The following PDGFRB variants were observed in gnomAD, a reference collection of about 807,000 sequenced individuals.
The protein encoded by PDGFRB is platelet derived growth factor receptor beta, also known as platelet-derived growth factor receptor beta.
PDGFRB carries 42 observed loss-of-function variants against 120.2 expected under a neutral mutation model. That is an observed-to-expected ratio of 0.35 (90% confidence interval 0.27 to 0.45). The LOEUF is 0.45. Ranked by LOEUF, PDGFRB falls within the 20% of genes least tolerant of loss-of-function variation. The pLI is 1.00. For synonymous variants in PDGFRB, 586 were observed against 606.8 expected, an observed-to-expected ratio of 0.97 and a Z score of 0.50; for missense variants, 1,149 against 1,476.3, an observed-to-expected ratio of 0.78 and a Z score of 3.63.
chr5:150,118,463 G>T (rs921549791), intron 21 of PDGFRB, among the ~76,000 whole-genome samples: 4 of 152,174 alleles, frequency 2.6e-5, no homozygotes, highest in African/African-American at 9.7e-5. Context: ...TCGGTATGGA[G>T]GTAAAGGCCT....
chr5:150,127,833 T>TAAAA (rs56899708), intron 10 of PDGFRB, among the ~76,000 whole-genome samples: 3,457 of 62,376 alleles, frequency 0.055, 366 homozygotes, highest in Non-Finnish European at 0.068. Flanking sequence ...GACTCCATCT[T>TAAAA]AAAAAAAAAA....
intron 1 of PDGFRB, among the ~76,000 whole-genome samples, chr5:150,140,671 A>T (rs1760759784): frequency 6.6e-6 from 1 of 151,080 alleles, no homozygotes; most frequent in Non-Finnish European, 1.5e-5. Flanking sequence ...AGGGGAGCGG[A>T]GTAAGGACCC....
chr5:150,132,161 A>G lies in PDGFRB; in HGVS notation c.1128-67T>C, dbSNP rs923322906. 1.2e-5 allele frequency: 10 copies of G among 856,260 alleles called. No homozygotes were observed. Among genetic ancestry groups the G allele is most frequent in the African/African-American group, 1.7e-5 (1 of 60,488 alleles). The allele number at this position is 856,260 out of a possible 1,614,324, so 53.0% of individuals were successfully genotyped here. Reference sequence around the variant, plus strand: ...TTACAGTTCTCCCCACCCTCCTGGTATAAAGAGGAACAAGGCCCAGGGAGG... The same window carrying G: ...TTACAGTTCTCCCCACCCTCCTGGTGTAAAGAGGAACAAGGCCCAGGGAGG... On this transcript the variant is annotated intron_variant, in intron 7 of 22. Transcript: ENST00000261799. The surrounding 1 kb of genome is among the most constrained non-coding windows in gnomAD (Gnocchi z 5.0).
rs774004724 is a variant in PDGFRB, at chr5:150,123,110, G to A, written c.2115C>T (p.Ser705=). The A allele has an allele frequency of 9.3e-6, 15 of 1,613,880 alleles. No homozygotes were observed. The highest frequency in any genetic ancestry group is 5.5e-5 in the South Asian group (5 of 91,088). ...CCGCGCTGGGCGGGCGGCGCTTGTC[G>A]GAGTGGTGCTGCAGGAAGGTGTGTT... ...RNKHTFLQHH[S]DKRRPPSAEL... Residue 705 remains serine, a synonymous_variant, in exon 15 of 23, where the codon TCC becomes TCT. Transcript: ENST00000261799.
At chr5:150,151,287 T>A (rs537771369) in intron 1 of PDGFRB, among the ~76,000 whole-genome samples, 1 of 152,328 alleles carries the variant, frequency 6.6e-6, no homozygotes, top group East Asian at 1.9e-4. Context: ...ACCTCCTCGT[T>A]TGACTGATGG....
chr5:150,127,982 T>A (rs1760347186), intron 10 of PDGFRB, among the ~76,000 whole-genome samples: 1 of 151,954 alleles, frequency 6.6e-6, no homozygotes, highest in African/African-American at 2.4e-5. Flanking sequence ...TCACCCCTTA[T>A]CCATTCTCCC....
At position 150,121,974 on chromosome 5, in the gene PDGFRB, G is replaced by C. The variant is rs2113891249; in HGVS notation, c.2250C>G (p.Asp750Glu). 6.2e-7 allele frequency: 1 copy of C among 1,613,412 alleles called. No homozygotes were observed. ...CTTTCATGTCCAGCATGGGCACATA[G>C]TCCACCGACTCGTCCTTGCTCATGT... ...YMDMSKDESV[D>E]YVPMLDMKGD... Residue 750 changes from aspartate (D) to glutamate (E), a missense_variant, in exon 16 of 23, where the codon GAC becomes GAG. Physicochemically the swap from Asp to Glu is conservative, Grantham distance 45. Around this residue, in one of 3 missense-constraint regions of PDGFRB, gnomAD observed 879 missense variants for 1,108.6 expected, o/e 0.79. Transcript: ENST00000261799. This position sits in a 1 kb window ranked among gnomAD's most constrained non-coding sequence, Gnocchi z 4.1.
rs143665169 is a variant in PDGFRB at position 150,136,338 on chromosome 5, G to C, written c.41-460C>G. Among the ~76,000 whole-genome samples, 542 of 152,306 alleles carry C rather than the reference G, an allele frequency of 3.6e-3. 5 individuals are homozygous for C. Among genetic ancestry groups the C allele is most frequent in the African/African-American group, 0.012 (514 of 41,570 alleles). Reference sequence around the variant, plus strand: ...GAGGGAGGGGCTTAGGTAGCTCAGAGGGGGGCCAGAAAAGATGCTGAGGCC... The same window carrying C: ...GAGGGAGGGGCTTAGGTAGCTCAGACGGGGGCCAGAAAAGATGCTGAGGCC... On this transcript the variant is annotated intron_variant, in intron 2 of 22. Transcript: ENST00000261799.
At chr5:150,119,963 G>A in intron 19 of PDGFRB, 49 bp downstream of exon 19, 1 of 947,550 alleles carries the variant, frequency 1.1e-6, no homozygotes, top group Non-Finnish European at 1.8e-6. Context: ...AGTGGTCGAG[G>A]TAGACACCAG....
Position 150,135,688 on chromosome 5 carries a change from C to T in PDGFRB, c.231G>A (p.Gln77=). The T allele has an allele frequency of 6.2e-7, 1 of 1,614,170 alleles. No homozygotes were observed. Among genetic ancestry groups the T allele is most frequent in the East Asian group, 2.2e-5 (1 of 44,884 alleles). Residue 77 remains glutamine, a synonymous_variant, in exon 3 of 23, where the codon CAG becomes CAA. Transcript: ENST00000261799. ...QEPPQEMAKA[Q]DGTFSSVLTL... ...TGAGCACGCTGGAGAAGGTGCCATC[C>T]TGGGCCTTGGCCATTTCCTGTGGGG...
chr5:150,117,549 C>G (rs1229758128), intron 22 of PDGFRB, 69 bp downstream of exon 22: 6 of 553,108 alleles, frequency 1.1e-5, no homozygotes, highest in South Asian at 4.9e-5. Flanking sequence ...CGCGCGCACA[C>G]ACACACACAC....
chr5:150,127,325 C>T (rs1388483374), intron 10 of PDGFRB, among the ~76,000 whole-genome samples: 1 of 152,210 alleles, frequency 6.6e-6, no homozygotes, highest in East Asian at 1.9e-4. Context: ...TGCCTCTCCC[C>T]TGCCCTGCCC....
At position 150,155,737 on chromosome 5, in the gene PDGFRB, G is replaced by A. The variant is rs950351113; in HGVS notation, c.-347C>T. 21 of 398,598 alleles carry A rather than the reference G, an allele frequency of 5.3e-5. No individual in the cohort carries two copies. The highest frequency in any genetic ancestry group is 8.4e-5 in the Non-Finnish European group (19 of 226,168). The allele number at this position is 398,598 out of a possible 1,614,324, so 24.7% of individuals were successfully genotyped here. A position where few individuals can be genotyped will look rare whatever the true frequency, so the allele number is the denominator to read the frequency against. Reference sequence around the variant, plus strand: ...GCACAGGCTGCTGCTGGGCAGCAGGGCTGAGGGGCCGGCTCTCTCCTCCTC... The same window carrying A: ...GCACAGGCTGCTGCTGGGCAGCAGGACTGAGGGGCCGGCTCTCTCCTCCTC... On this transcript the variant is annotated 5_prime_UTR_variant, in exon 1 of 23. Coordinates refer to ENST00000261799, the MANE Select transcript of PDGFRB (RefSeq NM_002609.4).
rs1357207675 is a variant in PDGFRB at position 150,124,310 on chromosome 5, T to C, written c.1963A>G (p.Met655Val). 6.2e-7 allele frequency: 1 copy of C among 1,614,124 alleles called. No individual in the cohort carries two copies. Among genetic ancestry groups the C allele is most frequent in the Non-Finnish European group, 8.5e-7 (1 of 1,179,982 alleles). Reference sequence around the variant, plus strand: ...TTCAGGTGGGGCCCAAGGTGACTCATGATCTTCAGCTCCGACATAAGGGCT... The same window carrying C: ...TTCAGGTGGGGCCCAAGGTGACTCACGATCTTCAGCTCCGACATAAGGGCT... Reference protein sequence around the residue: ...KQALMSELKIMSHLGPHLNVV... With the variant: ...KQALMSELKIVSHLGPHLNVV... Residue 655 changes from methionine (M) to valine (V), a missense_variant, in exon 14 of 23, where the codon ATG becomes GTG. Transcript: ENST00000261799.
intron 22 of PDGFRB, among the ~76,000 whole-genome samples, chr5:150,116,757 C>T (rs1047539928): frequency 3.3e-5 from 5 of 152,194 alleles, no homozygotes; most frequent in African/African-American, 9.7e-5. Flanking sequence ...CACTCCTCTG[C>T]ACCATCCACT....
chr5:150,141,928 G>C (rs1760795479), intron 1 of PDGFRB, among the ~76,000 whole-genome samples: 1 of 152,018 alleles, frequency 6.6e-6, no homozygotes, highest in Non-Finnish European at 1.5e-5. Flanking sequence ...GAACAGGCCG[G>C]GTAGAAACAG....
intron 8 of PDGFRB, among the ~76,000 whole-genome samples, chr5:150,131,487 C>T (rs979466045): frequency 4.6e-5 from 7 of 152,218 alleles, no homozygotes; most frequent in African/African-American, 1.7e-4. Context: ...GCACTCTCAA[C>T]CTTCCCTACC....
At chr5:150,138,973 C>A (rs567279366) in intron 1 of PDGFRB, among the ~76,000 whole-genome samples, 1 of 152,228 alleles carries the variant, frequency 6.6e-6, no homozygotes, top group Non-Finnish European at 1.5e-5. Context: ...GTCACTGCAG[C>A]GGGGCTGGCC....
chr5:150,140,981 G>A (rs754465529), intron 1 of PDGFRB, among the ~76,000 whole-genome samples: 3 of 152,178 alleles, frequency 2.0e-5, no homozygotes, highest in Non-Finnish European at 2.9e-5. Flanking sequence ...ACACAGGCAG[G>A]CCAGGGAGGG....
Sources: allele counts gnomAD v4.1 joint callset (sites outside exome capture counted in the v4.1 genomes callset), GRCh38; gene constraint gnomAD v4.1.1; regional missense constraint gnomAD v4.1.1; non-coding constraint Gnocchi (gnomAD v3.1); transcripts MANE v1.5; gene names NCBI Gene and HGNC (gene_info 2026-07-23, HGNC 2026-07-21).